NUFIP1: variants seen among roughly 807,000 people sequenced by gnomAD.
NUFIP1 encodes FMR1-interacting protein NUFIP1.
In NUFIP1, 38 loss-of-function variants were observed where a neutral mutation model predicts 56.2. That is an observed-to-expected ratio of 0.68 (90% CI 0.52 to 0.89). NUFIP1 has a LOEUF of 0.89. Among genes scored for constraint, NUFIP1 ranks in the 40% least tolerant of loss-of-function variants. The pLI, the probability that NUFIP1 is intolerant of heterozygous loss-of-function variation, is 0.00. For synonymous variants in NUFIP1, 215 were observed against 212.4 expected (o/e 1.01, Z -0.10); for missense variants, 567 against 605.8 (o/e 0.94, Z 0.67).
At chr13:44,948,421 T>A (rs1289600214) in intron 8 of NUFIP1, among the ~76,000 whole-genome samples, 1 of 152,154 alleles carries the variant, frequency 6.6e-6, no homozygotes, top group Non-Finnish European at 1.5e-5. Context: ...GGATTACAGA[T>A]GTGAGCCACC....
At chr13:44,988,452 T>C (rs1872513711) in intron 1 of NUFIP1, among the ~76,000 whole-genome samples, 1 of 151,940 alleles carries the variant, frequency 6.6e-6, no homozygotes, top group East Asian at 1.9e-4. Context: ...ACACTCTGTC[T>C]CCAAAAAAAA....
intron 1 of NUFIP1, among the ~76,000 whole-genome samples, chr13:44,988,443 C>A (rs1872512950): frequency 6.6e-6 from 1 of 152,022 alleles, no homozygotes; most frequent in African/African-American, 2.4e-5. Context: ...GACAGAGCGA[C>A]ACTCTGTCTC....
rs12583986 is a variant in NUFIP1 at position 44,965,973 on chromosome 13, T to C, written c.735-37A>G. ...TAAAAGTTAATTATAATAGGGCTTTTAGAGTACAATTTTAAATAAGCAATC... is the reference window on the plus strand; with the variant it reads ...TAAAAGTTAATTATAATAGGGCTTTCAGAGTACAATTTTAAATAAGCAATC... On this transcript the variant is annotated intron_variant, in intron 5 of 9. Coordinates refer to ENST00000379161, the MANE Select transcript of NUFIP1 (RefSeq NM_012345.3). The C allele has an allele frequency of 2.1e-5, 26 of 1,254,952 alleles. No homozygotes were observed. The East Asian group carries it at 6.3e-4, about 31-fold the overall frequency. The allele number at this position is 1,254,952 out of a possible 1,614,324, so 77.7% of individuals were successfully genotyped here.
chr13:44,949,963 C>T (rs1871036031), intron 7 of NUFIP1, 125 bp from the exon 8 acceptor site: 1 of 705,464 alleles, frequency 1.4e-6, no homozygotes, highest in East Asian at 2.7e-5. Flanking sequence ...TTCCAAAAGA[C>T]TAATTCTAGG....
intron 8 of NUFIP1, 43 bp from the exon 9 acceptor site, chr13:44,943,717 A>G: frequency 2.0e-6 from 3 of 1,485,710 alleles, no homozygotes; most frequent in Non-Finnish European, 2.8e-6. Flanking sequence ...ACAAAACAAA[A>G]CAAAACAGGT....
At chr13:44,958,587 T>C (rs1871321656) in intron 7 of NUFIP1, among the ~76,000 whole-genome samples, 1 of 152,176 alleles carries the variant, frequency 6.6e-6, no homozygotes, top group African/African-American at 2.4e-5. Flanking sequence ...GTGATTATCA[T>C]AGAAGCCAAC....
At chr13:44,978,653 G>A (rs1872073008) in intron 5 of NUFIP1, among the ~76,000 whole-genome samples, 1 of 152,074 alleles carries the variant, frequency 6.6e-6, no homozygotes, top group Non-Finnish European at 1.5e-5. Context: ...TCTTCTCATT[G>A]TTAAGAACAA....
intron 8 of NUFIP1, among the ~76,000 whole-genome samples, chr13:44,949,002 CATTA>C (rs996277155): frequency 1.3e-5 from 2 of 152,004 alleles, no homozygotes; most frequent in African/African-American, 4.8e-5. Flanking sequence ...GCCCTATATG[CATTA>C]AAAAAATTGT....
At chr13:44,946,110 T>C (rs1314085739) in intron 8 of NUFIP1, among the ~76,000 whole-genome samples, 1 of 152,142 alleles carries the variant, frequency 6.6e-6, no homozygotes, top group Non-Finnish European at 1.5e-5. Context: ...CTATTTTCTA[T>C]TATTCCCTTC....
At chr13:44,964,853 GTAGT>G (rs1003886981) in intron 6 of NUFIP1, among the ~76,000 whole-genome samples, 1 of 152,194 alleles carries the variant, frequency 6.6e-6, no homozygotes, top group African/African-American at 2.4e-5. Context: ...TCAGTAGTGA[GTAGT>G]TAGTTTCAGA....
intron 7 of NUFIP1, among the ~76,000 whole-genome samples, chr13:44,955,452 T>C (rs1386828480): frequency 6.6e-6 from 1 of 152,192 alleles, no homozygotes; most frequent in Non-Finnish European, 1.5e-5. Context: ...TTGAGTCTTG[T>C]TTAAAATGTG....
At chr13:44,978,983 TACAGTCCCATTATG>T (rs899763362) in intron 5 of NUFIP1, among the ~76,000 whole-genome samples, 193 bp downstream of exon 5, 52 of 152,282 alleles carry the variant, frequency 3.4e-4, no homozygotes, top group African/African-American at 1.2e-3. Context: ...AAGAGCAACA[TACAGTCCCATTATG>T]ACACATTTGC....
intron 6 of NUFIP1, among the ~76,000 whole-genome samples, chr13:44,960,266 C>T (rs142132696): frequency 1.3e-5 from 2 of 151,256 alleles, no homozygotes; most frequent in African/African-American, 4.8e-5. Flanking sequence ...TATGTTCACT[C>T]TTGTCTACTC....
intron 5 of NUFIP1, among the ~76,000 whole-genome samples, chr13:44,977,830 C>CT (rs1218856588): frequency 2.0e-5 from 3 of 152,170 alleles, no homozygotes; most frequent in Non-Finnish European, 4.4e-5. Context: ...AGGTAGATCA[C>CT]TTGAGGTCAG....
chr13:44,959,311 G>C (rs1199113480), intron 7 of NUFIP1, 70 bp downstream of exon 7: 1 of 1,389,636 alleles, frequency 7.2e-7, no homozygotes, highest in Non-Finnish European at 1.0e-6. Context: ...CACAAGCAAG[G>C]CTGTGAATAA....
At chr13:44,956,984 A>G (rs1224637901) in intron 7 of NUFIP1, among the ~76,000 whole-genome samples, 1 of 152,148 alleles carries the variant, frequency 6.6e-6, no homozygotes, top group African/African-American at 2.4e-5. Flanking sequence ...AGCTACCATA[A>G]TTTGATCATT....
At chr13:44,975,642 T>C (rs754358515) in intron 5 of NUFIP1, among the ~76,000 whole-genome samples, 4 of 152,208 alleles carry the variant, frequency 2.6e-5, no homozygotes, top group Non-Finnish European at 5.9e-5. Context: ...CACTAATCCC[T>C]GCCTCTCCTT....
intron 7 of NUFIP1, among the ~76,000 whole-genome samples, chr13:44,953,418 C>A (rs1871138860): frequency 6.6e-6 from 1 of 152,088 alleles, no homozygotes; most frequent in Admixed American, 6.6e-5. Context: ...CTTGCTATTT[C>A]TCTCATTTCT....
At chr13:44,981,863 C>T (rs1176619515) in intron 2 of NUFIP1, among the ~76,000 whole-genome samples, 6 of 151,378 alleles carry the variant, frequency 4.0e-5, no homozygotes, top group African/African-American at 1.5e-4. Flanking sequence ...TTTCTAAAAC[C>T]ACAGAAAAGA....
Sources: gnomAD v4.1 joint callset for allele counts (sites outside exome capture counted in the v4.1 genomes callset) on GRCh38, gnomAD v4.1.1 for gene constraint, MANE v1.5 for transcripts, NCBI Gene and HGNC (gene_info 2026-07-23, HGNC 2026-07-21) for gene names.